GLOD4: variants seen among roughly 807,000 people sequenced by gnomAD.
The protein encoded by GLOD4 is glyoxalase domain-containing protein 4.
A neutral mutation model predicts 39.1 loss-of-function variants in GLOD4; 44 were observed. The observed-to-expected ratio is 1.13, with a 90% CI of 0.88 to 1.45. GLOD4 has a LOEUF of 1.45. Among genes scored for constraint, GLOD4 ranks in the 40% most tolerant of loss-of-function variants. The pLI is 0.00. For synonymous variants in GLOD4, 145 were observed against 135.0 expected (o/e 1.07, Z -0.52); for missense variants, 405 against 366.4 (o/e 1.11, Z -0.86).
intron 8 of GLOD4, among the ~76,000 whole-genome samples, chr17:768,290 G>A (rs1907110529): frequency 1.4e-5 from 2 of 145,548 alleles, no homozygotes; most frequent in African/African-American, 5.2e-5. Context: ...GAGAGAAACA[G>A]GGCGCACTCA....
Position 775,893 on chromosome 17 carries a change from A to G in GLOD4, c.288T>C (p.Ala96=), listed in dbSNP as rs1187316930. ...ACTCCAGCTTCCTGGCGTTGCTGAC[A>G]GCCTGGCTAGAAGCGAGCGTGATTC... ...FMGITLASSQ[A]VSNARKLEWP... Residue 96 remains alanine, a synonymous_variant, in exon 4 of 9, where the codon GCT becomes GCC. Coordinates refer to ENST00000301329, the MANE Select transcript of GLOD4 (RefSeq NM_016080.4). The G allele has an allele frequency of 1.9e-6, 3 of 1,613,590 alleles. No homozygotes were observed. Among genetic ancestry groups the G allele is most frequent in the South Asian group, 2.2e-5 (2 of 91,078 alleles).
upstream of GLOD4, chr17:783,388 G>C (rs183089541): frequency 3.1e-5 from 46 of 1,495,530 alleles, no homozygotes; most frequent in African/African-American, 5.0e-4. Flanking sequence ...CCAGGCTGGA[G>C]TGCAATGGCG....
At chr17:784,720 A>C (rs1910450640), upstream of GLOD4, among the ~76,000 whole-genome samples, 1 of 152,212 alleles carries the variant, frequency 6.6e-6, no homozygotes, top group South Asian at 2.1e-4. Context: ...GTCAGGCTTT[A>C]GACAGACACT....
In GLOD4 at chr17:782,256, G is replaced by A. The variant is rs763065954; in HGVS notation, c.-1C>T. On this transcript the variant is annotated 5_prime_UTR_variant, in exon 1 of 9. Coordinates refer to ENST00000301329, the MANE Select transcript of GLOD4 (RefSeq NM_016080.4). ...AGTGCAGAGCTCTGCGAGCAGCCAT[G>A]ATTCCCGCCGCACGCAGCCGTCACG... is the stretch of plus-strand genomic sequence containing the variant. The A allele has an allele frequency of 1.2e-6, 2 of 1,613,364 alleles. No homozygotes were observed. The highest frequency in any genetic ancestry group is 8.5e-7 in the Non-Finnish European group (1 of 1,179,692).
chr17:766,128 T>C (rs1055564198), intron 8 of GLOD4, among the ~76,000 whole-genome samples: 2 of 151,164 alleles, frequency 1.3e-5, no homozygotes, highest in African/African-American at 4.9e-5. Context: ...TGAAACCCCA[T>C]CTCTAGAAAA....
Position 771,272 on chromosome 17 carries a change from C to T in GLOD4, c.543+53G>A, listed in dbSNP as rs944720974. The T allele has an allele frequency of 6.7e-5, 83 of 1,236,678 alleles. 1 individual carries two copies. In the Middle Eastern group the frequency reaches 1.1e-3, roughly 17 times the overall value. The allele number at this position is 1,236,678 out of a possible 1,614,324, so 76.6% of individuals were successfully genotyped here. ...AAGGTTATAAGCCATTTATAAGCTTCGTTTACAAGCCAAATTCAAAGTAAC... is the reference window on the plus strand; with the variant it reads ...AAGGTTATAAGCCATTTATAAGCTTTGTTTACAAGCCAAATTCAAAGTAAC... On this transcript the variant is annotated intron_variant, in intron 5 of 8. Coordinates refer to ENST00000301329, the MANE Select transcript of GLOD4 (RefSeq NM_016080.4).
At chr17:775,949 A>G in intron 3 of GLOD4, 30 bp from the exon 4 acceptor site, 1 of 1,597,446 alleles carries the variant, frequency 6.3e-7, no homozygotes, top group South Asian at 1.1e-5. Flanking sequence ...ATCCAAGTAC[A>G]TGATCACAAC....
intron 6 of GLOD4, 123 bp from the exon 7 acceptor site, chr17:770,280 A>T: frequency 1.3e-6 from 1 of 755,274 alleles, no homozygotes; most frequent in Non-Finnish European, 2.4e-6. Flanking sequence ...TGAATTTATT[A>T]TCTCAGCTGC....
chr17:769,262 G>A (rs1907445049), intron 8 of GLOD4, among the ~76,000 whole-genome samples: 1 of 150,236 alleles, frequency 6.7e-6, no homozygotes, highest in Non-Finnish European at 1.5e-5. Context: ...ATGGGATGGA[G>A]GCATCTCCAT....
Position 776,900 on chromosome 17 carries a change from C to A in GLOD4, c.229G>T (p.Val77Phe), listed in dbSNP as rs140149712. The A allele has an allele frequency of 5.0e-5, 80 of 1,612,786 alleles. No homozygotes were observed. The Admixed American group carries it at 9.5e-4, about 19-fold the overall frequency. Reference protein sequence around the residue: ...FVAELTYNYGVGDYKLGNDFM... With the variant: ...FVAELTYNYGFGDYKLGNDFM... ...TCATTGCCAAGCTTGTAGTCTCCGA[C>A]GCCATAATTGTAAGTCAGTTCTGCG... The change falls in exon 3 of 9, where the codon GTC becomes TTC. Residue 77 changes from valine to phenylalanine, a missense_variant. By Grantham distance (50) the Val-to-Phe change is conservative. Transcript: ENST00000301329.
At chr17:768,721 G>A (rs867020928) in intron 8 of GLOD4, among the ~76,000 whole-genome samples, 1 of 46,432 alleles carries the variant, frequency 2.2e-5, no homozygotes, top group South Asian at 1.0e-3. Context: ...TGGAGAGGAC[G>A]TGAGAGAGAG....
Position 779,319 on chromosome 17 carries a change from T to TAAAAA in GLOD4, c.91-580_91-576dup, listed in dbSNP as rs34487169. Among the ~76,000 whole-genome samples, 88 of 43,360 alleles carry TAAAAA rather than the reference T, an allele frequency of 2.0e-3. 3 individuals are homozygous for TAAAAA. Among genetic ancestry groups the TAAAAA allele is most frequent in the Non-Finnish European group, 2.7e-3 (72 of 26,302 alleles). 28.4% of individuals were successfully genotyped at this position (43,360 alleles called of 152,430 possible). A position where few individuals can be genotyped will look rare whatever the true frequency, so the allele number is the denominator to read the frequency against. On this transcript the variant is annotated intron_variant, in intron 1 of 8. Transcript: ENST00000301329. Reference sequence around the variant, plus strand: ...ACAAGAGCAAAATTCCATCTCAAATTAAAAAAAAAAAAAAAAAAAAAAAAA... The same window carrying TAAAAA: ...ACAAGAGCAAAATTCCATCTCAAATTAAAAAAAAAAAAAAAAAAAAAAAAAAAAAA...
At chr17:767,692 C>A (rs548413313) in intron 8 of GLOD4, among the ~76,000 whole-genome samples, 3 of 148,458 alleles carry the variant, frequency 2.0e-5, no homozygotes, top group Non-Finnish European at 4.4e-5. Context: ...AGCGCGCATT[C>A]AGATTTTTAG....
upstream of GLOD4, chr17:783,126 C>G: frequency 6.2e-7 from 1 of 1,613,586 alleles, no homozygotes; most frequent in East Asian, 2.2e-5. Context: ...TCGGGAAAAA[C>G]AAGGGAAGAT....
chr17:769,365 C>A (rs1237231323), intron 8 of GLOD4, among the ~76,000 whole-genome samples: 1 of 140,872 alleles, frequency 7.1e-6, no homozygotes, highest in African/African-American at 2.7e-5. Flanking sequence ...CTGAGGGGAA[C>A]GGATGGAGGC....
chr17:770,269 T>C, intron 6 of GLOD4, 112 bp from the exon 7 acceptor site: 1 of 756,952 alleles, frequency 1.3e-6, no homozygotes. Context: ...CGCCATTTGT[T>C]TGAATTTATT....
rs145283611 is a variant in GLOD4, at chr17:767,724, G to C, written c.831+2145C>G. Among the ~76,000 whole-genome samples the C allele has an allele frequency of 4.7e-3, 683 of 145,344 alleles. 14 individuals carry two copies. Among genetic ancestry groups the C allele is most frequent in the Admixed American group, 0.038 (549 of 14,264 alleles). On this transcript the variant is annotated intron_variant, in intron 8 of 8. Transcript: ENST00000301329. ...TTAGAAGAAGAAATCTGGAGAGGAC[G>C]TAAGAGAGGGAAACAGCGCGCACTC... is the stretch of plus-strand genomic sequence containing the variant.
At chr17:775,699 A>C (rs1235771279) in intron 4 of GLOD4, 76 bp downstream of exon 4, 1 of 1,248,524 alleles carries the variant, frequency 8.0e-7, no homozygotes, top group Admixed American at 2.0e-5. Context: ...CTACAAAAAA[A>C]AGACAGGCAG....
upstream of GLOD4, chr17:782,487 C>T: frequency 1.2e-6 from 2 of 1,613,694 alleles, no homozygotes; most frequent in Admixed American, 3.3e-5. Context: ...GCGGCGGAGC[C>T]CAGTGAAAGT....
Sources: gnomAD v4.1 joint callset for allele counts (sites outside exome capture counted in the v4.1 genomes callset) on GRCh38, gnomAD v4.1.1 for gene constraint, MANE v1.5 for transcripts, NCBI Gene and HGNC (gene_info 2026-07-23, HGNC 2026-07-21) for gene names.